CDYL: variants seen among roughly 807,000 people sequenced by gnomAD.
The protein encoded by CDYL is chromodomain Y like.
Under a neutral mutation model 47.3 loss-of-function variants are expected in CDYL, and 8 were observed. That is an observed-to-expected ratio of 0.17 (90% CI 0.10 to 0.31). CDYL has a LOEUF of 0.31. Among genes scored for constraint, CDYL ranks in the 10% least tolerant of loss-of-function variants. The pLI is 1.00. For missense variants in CDYL, 471 were observed against 701.4 expected (o/e 0.67, Z 3.71); for synonymous variants, 266 against 265.0 (o/e 1.00, Z -0.04).
upstream of CDYL, among the ~76,000 whole-genome samples, chr6:4,772,657 G>A (rs1336133585): frequency 1.3e-5 from 2 of 152,116 alleles, no homozygotes; most frequent in Admixed American, 6.5e-5. Context: ...TGACAAGAAC[G>A]GCATTTAATT....
At chr6:4,739,171 T>C (rs1757753765) in intron 3 of CDYL, among the ~76,000 whole-genome samples, 1 of 141,022 alleles carries the variant, frequency 7.1e-6, no homozygotes, top group African/African-American at 2.6e-5. Context: ...CAAACATAAA[T>C]AAATAAATAA....
At chr6:4,927,733 T>C (rs987593984) in intron 2 of CDYL, among the ~76,000 whole-genome samples, 4 of 152,192 alleles carry the variant, frequency 2.6e-5, no homozygotes, top group Non-Finnish European at 4.4e-5. Flanking sequence ...TGTGTGTGTT[T>C]TTACATCTGT....
At chr6:4,728,084 A>AT (rs529907786) in intron 2 of CDYL, among the ~76,000 whole-genome samples, 22 of 151,932 alleles carry the variant, frequency 1.4e-4, no homozygotes, top group South Asian at 6.2e-4. Context: ...GAATTTGCTT[A>AT]TTTTTTTTCC....
chr6:4,860,180 C>T (rs531276221), intron 1 of CDYL, among the ~76,000 whole-genome samples: 2 of 152,234 alleles, frequency 1.3e-5, no homozygotes, highest in African/African-American at 2.4e-5. Context: ...GAATTACAGA[C>T]GTGAGCCACC....
At position 4,952,405 on chromosome 6, in the gene CDYL, C is replaced by T. The variant is rs764206298; in HGVS notation, c.1472C>T (p.Pro491Leu). Residue 491 changes from proline (P) to leucine (L), a missense_variant, in exon 6 of 7, where the codon CCA becomes CTA. Pro to Leu is a moderately conservative substitution (Grantham distance 98). Transcript: ENST00000397588. ...VRIKELASCN[P>L]VVLEESKALV... ...ATTAAGGAGCTTGCCTCGTGCAATCCAGTTGTATGTCTAATTGCTTCTGTT... is the reference window on the plus strand; with the variant it reads ...ATTAAGGAGCTTGCCTCGTGCAATCTAGTTGTATGTCTAATTGCTTCTGTT... The T allele has an allele frequency of 6.2e-7, 1 of 1,611,632 alleles. No individual in the cohort carries two copies. Among genetic ancestry groups the T allele is most frequent in the South Asian group, 1.1e-5 (1 of 90,510 alleles).
At chr6:4,775,575 C>G (rs981502678), upstream of CDYL, among the ~76,000 whole-genome samples, 1 of 152,048 alleles carries the variant, frequency 6.6e-6, no homozygotes, top group African/African-American at 2.4e-5. This position sits in a 1 kb window ranked among gnomAD's most constrained non-coding sequence, Gnocchi z 7.0. Flanking sequence ...CGAGAGGAAC[C>G]CAGAGGCCTG....
intron 4 of CDYL, among the ~76,000 whole-genome samples, chr6:4,941,814 C>T (rs1212578355): frequency 6.6e-6 from 1 of 152,106 alleles, no homozygotes; most frequent in Non-Finnish European, 1.5e-5. Flanking sequence ...TTGCCCCATC[C>T]GTGGTTTCCA....
At chr6:4,900,769 G>A (rs1383834088) in intron 2 of CDYL, among the ~76,000 whole-genome samples, 1 of 24,320 alleles carries the variant, frequency 4.1e-5, no homozygotes, top group African/African-American at 1.2e-4. Flanking sequence ...TGTTAATTCC[G>A]TATACGTGTG....
intron 1 of CDYL, chr6:4,714,729 T>G (rs1160133962): frequency 6.6e-6 from 1 of 152,194 alleles, no homozygotes; most frequent in African/African-American, 2.4e-5. Context: ...GAGCCCAGTG[T>G]GGATGCGTAG....
At chr6:4,890,126 G>C in intron 1 of CDYL, 3 of 985,464 alleles carry the variant, frequency 3.0e-6, no homozygotes, top group Non-Finnish European at 3.6e-6. Flanking sequence ...ATTGATTTAA[G>C]GTGGGTTGGG....
At position 4,817,923 on chromosome 6, in the gene CDYL, C is replaced by T. The variant is rs11963907; in HGVS notation, c.24+41116C>T. Among the ~76,000 whole-genome samples, 622 of 152,262 alleles carry T rather than the reference C, an allele frequency of 4.1e-3. 1 individual carries two copies. Among genetic ancestry groups the T allele is most frequent in the African/African-American group, 0.014 (581 of 41,542 alleles). On this transcript the variant is annotated intron_variant, in intron 1 of 6. Coordinates refer to ENST00000397588, the MANE Select transcript of CDYL (RefSeq NM_004824.4). Reference sequence around the variant, plus strand: ...TACAACTAAAGTTGTATTTTGTCAGCCTTTAAATGCTTAAGTAAGATAGTA... The same window carrying T: ...TACAACTAAAGTTGTATTTTGTCAGTCTTTAAATGCTTAAGTAAGATAGTA...
chr6:4,803,998 T>C (rs1216134724), intron 1 of CDYL, among the ~76,000 whole-genome samples: 1 of 150,292 alleles, frequency 6.7e-6, no homozygotes, highest in East Asian at 2.0e-4. Context: ...TTTTTTGCTC[T>C]CCTAAGTCTT....
chr6:4,924,717 G>A (rs767547789), intron 2 of CDYL, among the ~76,000 whole-genome samples: 19 of 152,120 alleles, frequency 1.2e-4, no homozygotes, highest in African/African-American at 2.4e-4. Flanking sequence ...GAACGACTTC[G>A]ATACTGAGCA....
intron 1 of CDYL, among the ~76,000 whole-genome samples, chr6:4,786,611 G>C (rs1758763230): frequency 6.6e-6 from 1 of 152,212 alleles, no homozygotes; most frequent in East Asian, 1.9e-4. Context: ...AGGGGTTCAA[G>C]AGAAGGTGCA....
chr6:4,767,507 A>C (rs889005677), intron 3 of CDYL, among the ~76,000 whole-genome samples: 3 of 145,470 alleles, frequency 2.1e-5, no homozygotes, highest in African/African-American at 7.5e-5. Context: ...CAGGAGGTGG[A>C]GGTTGCAGTG....
intron 1 of CDYL, among the ~76,000 whole-genome samples, chr6:4,781,213 T>G (rs1348442754): frequency 2.6e-5 from 4 of 152,210 alleles, no homozygotes; most frequent in South Asian, 2.1e-4. Flanking sequence ...AGGTAGGTCT[T>G]TTGAATCTTT....
At chr6:4,927,507 G>T (rs1360844275) in intron 2 of CDYL, among the ~76,000 whole-genome samples, 1 of 151,066 alleles carries the variant, frequency 6.6e-6, no homozygotes, top group Non-Finnish European at 1.5e-5. Flanking sequence ...GAGTGCAGTG[G>T]TGTGATCTCA....
chr6:4,903,141 A>G (rs1003036941), intron 2 of CDYL, among the ~76,000 whole-genome samples: 1 of 152,206 alleles, frequency 6.6e-6, no homozygotes, highest in African/African-American at 2.4e-5. Context: ...TAGTCGGGAC[A>G]AATTACCAAG....
At chr6:4,922,239 C>T (rs1757737605) in intron 2 of CDYL, among the ~76,000 whole-genome samples, 1 of 152,096 alleles carries the variant, frequency 6.6e-6, no homozygotes, top group South Asian at 2.1e-4. Flanking sequence ...ATGCTGGTTG[C>T]CGACCCGTTG....
Sources: gnomAD v4.1 joint callset for allele counts (sites outside exome capture counted in the v4.1 genomes callset) on GRCh38, gnomAD v4.1.1 for gene constraint, Gnocchi (gnomAD v3.1) non-coding constraint, MANE v1.5 for transcripts, NCBI Gene and HGNC (gene_info 2026-07-23, HGNC 2026-07-21) for gene names.